The following LAMA2 variants were observed in gnomAD, a reference collection of about 807,000 sequenced individuals.
LAMA2 encodes the protein laminin subunit alpha-2.
LAMA2 carries 269 observed loss-of-function variants against 364.8 expected under a neutral mutation model. That is an observed-to-expected ratio of 0.74 (90% CI 0.67 to 0.82). The LOEUF (loss-of-function observed/expected upper bound fraction) is 0.82. Among genes scored for constraint, LAMA2 ranks in the 40% least tolerant of loss-of-function variants. The pLI, the probability that LAMA2 is intolerant of heterozygous loss-of-function variation, is 0.00. For missense variants in LAMA2, 3,807 were observed against 3,873.2 expected (o/e 0.98, Z 0.45); for synonymous variants, 1,379 against 1,370.6 (o/e 1.01, Z -0.14).
chr6:129,139,510 G>C (rs1777991712), intron 4 of LAMA2, among the ~76,000 whole-genome samples: 1 of 152,052 alleles, frequency 6.6e-6, no homozygotes, highest in Admixed American at 6.6e-5. Context: ...ATGTGTATAG[G>C]TTATATGCAC....
intron 30 of LAMA2, among the ~76,000 whole-genome samples, chr6:129,346,559 G>T (rs1406262213): frequency 6.6e-6 from 1 of 150,814 alleles, no homozygotes; most frequent in Non-Finnish European, 1.5e-5. Flanking sequence ...TCCTGTATGT[G>T]TACATATCTG....
chr6:128,936,016 A>C (rs1019292585), intron 1 of LAMA2, among the ~76,000 whole-genome samples: 1 of 151,914 alleles, frequency 6.6e-6, no homozygotes, highest in Non-Finnish European at 1.5e-5. Context: ...AGTTCTCATG[A>C]GCTCTGATAG....
intron 12 of LAMA2, among the ~76,000 whole-genome samples, chr6:129,210,118 A>G (rs925596057): frequency 6.6e-6 from 1 of 152,024 alleles, no homozygotes; most frequent in African/African-American, 2.4e-5. Flanking sequence ...TTATTTACCC[A>G]TAAGAATTTG....
intron 58 of LAMA2, among the ~76,000 whole-genome samples, chr6:129,495,256 T>TAACA (rs1437349596): frequency 6.6e-6 from 1 of 152,184 alleles, no homozygotes; most frequent in Non-Finnish European, 1.5e-5. Context: ...GTCCTCTGTC[T>TAACA]AACATCCCTT....
intron 20 of LAMA2, among the ~76,000 whole-genome samples, chr6:129,294,789 T>C (rs1789969541): frequency 6.6e-6 from 1 of 152,172 alleles, no homozygotes; most frequent in Non-Finnish European, 1.5e-5. Context: ...GTGAGAACAG[T>C]GCATCAGGCA....
chr6:128,947,091 C>T (rs866764752), intron 1 of LAMA2, among the ~76,000 whole-genome samples: 2 of 152,132 alleles, frequency 1.3e-5, no homozygotes, highest in Admixed American at 1.3e-4. Context: ...AACACATCAC[C>T]CTGTTTATTC....
chr6:129,059,170 C>G (rs1788706015), intron 2 of LAMA2, among the ~76,000 whole-genome samples: 1 of 152,164 alleles, frequency 6.6e-6, no homozygotes, highest in Non-Finnish European at 1.5e-5. Context: ...TTGCTGGTCT[C>G]CAAGAGCCTT....
At chr6:129,411,449 G>A (rs1780533942) in intron 40 of LAMA2, among the ~76,000 whole-genome samples, 2 of 152,134 alleles carry the variant, frequency 1.3e-5, no homozygotes, top group Non-Finnish European at 1.5e-5. Flanking sequence ...TAAACAAAGT[G>A]AAGAAAAGGG....
At chr6:129,078,290 A>G (rs897301320) in intron 3 of LAMA2, among the ~76,000 whole-genome samples, 1 of 151,814 alleles carries the variant, frequency 6.6e-6, no homozygotes, top group African/African-American at 2.4e-5. Flanking sequence ...GCGCGCCACT[A>G]TACCCCGCTA....
chr6:129,297,846 C>T lies in LAMA2; in HGVS notation c.3018C>T (p.Phe1006=). 6.2e-7 allele frequency: 1 copy of T among 1,613,758 alleles called. No individual in the cohort carries two copies. The highest frequency in any genetic ancestry group is 8.5e-7 in the Non-Finnish European group (1 of 1,179,848). Reference sequence around the variant, plus strand: ...GCTGTGCCCACGGCTATTTCAACTTCCAAGAAGGAGGCTGCACAGGTCTGT... The same window carrying T: ...GCTGTGCCCACGGCTATTTCAACTTTCAAGAAGGAGGCTGCACAGGTCTGT... ...CDRCAHGYFN[F]QEGGCTACEC... The change falls in exon 21 of 65, where the codon TTC becomes TTT. Residue 1006 remains phenylalanine, a synonymous_variant. Coordinates refer to ENST00000421865, the MANE Select transcript of LAMA2 (RefSeq NM_000426.4).
intron 16 of LAMA2, among the ~76,000 whole-genome samples, chr6:129,270,266 TACACACACACACAC>T (rs10522614): frequency 0.6 from 85,709 of 142,892 alleles, 27,990 homozygotes; most frequent in East Asian, 0.78. Flanking sequence ...GCTCTATGAC[TACACACACACACAC>T]ACACACACAC....
At position 129,208,196 on chromosome 6, in the gene LAMA2, G is replaced by A. The variant is rs371618787; in HGVS notation, c.1782+15343G>A. ...TTGTGTTAGCGTTAGAAGAAATTGT[G>A]TTTGCTTTAGTTCTTACAGACAATA... On this transcript the variant is annotated intron_variant, in intron 12 of 64. Transcript: ENST00000421865. Among the ~76,000 whole-genome samples the A allele has an allele frequency of 7.9e-5, 12 of 152,222 alleles. No homozygotes were observed. In the East Asian group the frequency reaches 1.7e-3, roughly 22 times the overall value.
rs1369837922 is a variant in LAMA2 at position 129,314,743 on chromosome 6, A to G, written c.3500A>G (p.Tyr1167Cys). Residue 1167 changes from tyrosine (Y) to cysteine (C), a missense_variant, in exon 24 of 65, where the codon TAT becomes TGT. Physicochemically the swap from Tyr to Cys is radical, Grantham distance 194. This residue lies in a region of LAMA2 where 3,333 missense variants were observed against 3,345.7 expected (regional missense o/e 1.00). Transcript: ENST00000421865. ...AKNPLGCSSC[Y>C]CFGTTTQCSE... Reference sequence around the variant, plus strand: ...AATCCACTTGGCTGCAGCAGCTGCTATTGCTTCGGCACTACTACCCAGTGC... The same window carrying G: ...AATCCACTTGGCTGCAGCAGCTGCTGTTGCTTCGGCACTACTACCCAGTGC... 9.3e-6 allele frequency: 15 copies of G among 1,613,980 alleles called. No homozygotes were observed. Among genetic ancestry groups the G allele is most frequent in the Non-Finnish European group, 1.3e-5 (15 of 1,180,030 alleles).
At chr6:129,313,149 A>G in intron 23 of LAMA2, 52 bp downstream of exon 23, 2 of 1,144,530 alleles carry the variant, frequency 1.7e-6, no homozygotes, top group Non-Finnish European at 2.6e-6. Context: ...TTCTGTTTCC[A>G]TTGCTCAGTT....
chr6:128,940,662 T>C (rs1780094985), intron 1 of LAMA2, among the ~76,000 whole-genome samples: 1 of 152,100 alleles, frequency 6.6e-6, no homozygotes, highest in Admixed American at 6.6e-5. Context: ...GAATGAAAGG[T>C]TTGATAAAGC....
chr6:129,302,557 A>G (rs1773613227), intron 22 of LAMA2, among the ~76,000 whole-genome samples: 1 of 152,114 alleles, frequency 6.6e-6, no homozygotes, highest in South Asian at 2.1e-4. Flanking sequence ...GACAAGGTCC[A>G]AAGATTTCTC....
intron 4 of LAMA2, among the ~76,000 whole-genome samples, chr6:129,135,474 T>C (rs930527380): frequency 6.6e-6 from 1 of 152,252 alleles, no homozygotes; most frequent in Non-Finnish European, 1.5e-5. Context: ...TATGAGTTCA[T>C]ACATACAGAT....
intron 1 of LAMA2, among the ~76,000 whole-genome samples, chr6:129,033,382 C>T (rs1786377046): frequency 6.6e-6 from 1 of 152,042 alleles, no homozygotes; most frequent in Non-Finnish European, 1.5e-5. Flanking sequence ...CCAGGGAGGG[C>T]CCATGGGGAA....
intron 1 of LAMA2, 117 bp downstream of exon 1, chr6:128,883,474 G>T: frequency 2.0e-6 from 3 of 1,504,166 alleles, no homozygotes; most frequent in Non-Finnish European, 2.7e-6. Context: ...CCTTCAGAGA[G>T]TGCGCTCTGG....
Sources: gnomAD v4.1 joint callset for allele counts (sites outside exome capture counted in the v4.1 genomes callset) on GRCh38, gnomAD v4.1.1 for gene constraint, gnomAD v4.1.1 regional missense constraint, MANE v1.5 for transcripts, NCBI Gene and HGNC (gene_info 2026-07-23, HGNC 2026-07-21) for gene names.